Variants in BRD9 observed in about 807,000 individuals in gnomAD.
BRD9 encodes the protein bromodomain-containing protein 9.
In BRD9, 47 loss-of-function variants were observed where a neutral mutation model predicts 68.7. That is an observed-to-expected ratio of 0.68 (90% CI 0.54 to 0.87). The LOEUF (loss-of-function observed/expected upper bound fraction) is 0.87. Among genes scored for constraint, BRD9 ranks in the 40% least tolerant of loss-of-function variants. The probability of loss-of-function intolerance (pLI) is 0.00; values close to 1 mark genes in which losing one functional copy is unlikely to be tolerated. For missense variants in BRD9, 670 were observed against 748.4 expected (o/e 0.90, Z 1.22); for synonymous variants, 313 against 293.9 (o/e 1.06, Z -0.67).
chr5:871,713 G>C, intron 12 of BRD9, 149 bp from the exon 13 acceptor site: 1 of 754,668 alleles, frequency 1.3e-6, no homozygotes, highest in Non-Finnish European at 2.3e-6. Flanking sequence ...ATTAAGGCTG[G>C]GGGTCCTCCA....
At chr5:884,435 G>A (rs1345404873) in intron 7 of BRD9, among the ~76,000 whole-genome samples, 8 of 152,216 alleles carry the variant, frequency 5.3e-5, no homozygotes, top group African/African-American at 1.7e-4. Context: ...CCCTGACTAC[G>A]CAGGGTTCAC....
intron 7 of BRD9, among the ~76,000 whole-genome samples, chr5:885,359 C>T (rs539079774): frequency 6.6e-6 from 1 of 152,360 alleles, no homozygotes; most frequent in East Asian, 1.9e-4. Context: ...GGTCTCAAGA[C>T]CACTCTCCCT....
In BRD9 at chr5:877,896, G is replaced by A. The variant is rs531765583; in HGVS notation, c.1271+459C>T. Among the ~76,000 whole-genome samples the A allele has an allele frequency of 1.6e-4, 24 of 152,226 alleles. 1 individual carries two copies. Among genetic ancestry groups the A allele is most frequent in the African/African-American group, 5.5e-4 (23 of 41,528 alleles). On this transcript the variant is annotated intron_variant, in intron 11 of 15. Transcript: ENST00000467963. ...AGGAGAGCCGAGGACACAGACACAC[G>A]CAGGATGGCCCCGGGAAGGCACAGG...
chr5:891,932 A>G, intron 1 of BRD9, 78 bp from the exon 2 acceptor site: 1 of 1,528,096 alleles, frequency 6.5e-7, no homozygotes, highest in Non-Finnish European at 8.8e-7. Context: ...TGAAGGTGCT[A>G]AGAGGGAAAG....
At position 876,729 on chromosome 5, in the gene BRD9, G is replaced by T. The variant is rs1443801430; in HGVS notation, c.1272-517C>A. Among the ~76,000 whole-genome samples the T allele has an allele frequency of 4.6e-5, 7 of 152,304 alleles. No homozygotes were observed. The East Asian group carries it at 7.7e-4, about 17-fold the overall frequency. On this transcript the variant is annotated intron_variant, in intron 11 of 15. Transcript: ENST00000467963. ...AGTAGGCCAGGAACAAAAATGCATA[G>T]TCTTAGAATCAAAGCACCAAGCAAG...
chr5:871,011 G>C (rs939248589), intron 13 of BRD9, among the ~76,000 whole-genome samples: 1 of 152,184 alleles, frequency 6.6e-6, no homozygotes, highest in African/African-American at 2.4e-5. Context: ...TCTCTCATCA[G>C]CTCCCTGCAG....
In BRD9 at chr5:865,294, A is replaced by C. The variant is rs1005384794; in HGVS notation, c.1693+120T>G. The C allele has an allele frequency of 8.1e-5, 108 of 1,325,580 alleles. 1 individual carries two copies. The highest frequency in any genetic ancestry group is 1.0e-4 in the Non-Finnish European group (103 of 984,838). 82.1% of individuals were successfully genotyped at this position (1,325,580 alleles called of 1,614,324 possible). A position where few individuals can be genotyped will look rare whatever the true frequency, so the allele number is the denominator to read the frequency against. Reference sequence around the variant, plus strand: ...TGTGGAAACCGACCTCCACAACAGCACCGCTGCCCATGCAGCCTCCAGCCT... The same window carrying C: ...TGTGGAAACCGACCTCCACAACAGCCCCGCTGCCCATGCAGCCTCCAGCCT... On this transcript the variant is annotated intron_variant, in intron 15 of 15. Transcript: ENST00000467963.
chr5:886,430 G>C (rs185171175), intron 7 of BRD9, among the ~76,000 whole-genome samples, 162 bp downstream of exon 7: 2 of 152,252 alleles, frequency 1.3e-5, no homozygotes, highest in African/African-American at 4.8e-5. Flanking sequence ...GGCAGGAGGG[G>C]CTGTCTGGCC....
In BRD9 at chr5:883,942, C is replaced by G. The variant is rs780210150; in HGVS notation, c.962G>C (p.Gly321Ala). ...TCGGTGGCCACAGAGCACTACCTTG[C>G]CGCCTGGGAGGAACCGGTTGATCCT... ...RDRINRFLPG[G>A]KMGYLKRNGD... Residue 321 changes from glycine (G) to alanine (A), a missense_variant, in exon 8 of 16, where the codon GGC becomes GCC. Transcript: ENST00000467963. The G allele has an allele frequency of 3.7e-6, 6 of 1,611,334 alleles. No individual in the cohort carries two copies. The highest frequency in any genetic ancestry group is 4.2e-6 in the Non-Finnish European group (5 of 1,179,848).
chr5:892,429 C>A, intron 1 of BRD9, 177 bp downstream of exon 1: 2 of 1,368,110 alleles, frequency 1.5e-6, no homozygotes, highest in South Asian at 1.5e-5. Context: ...ACCCAGGACC[C>A]CTCACGTGTG....
In BRD9 at chr5:864,188, T is replaced by TC. The variant is rs1471319431; in HGVS notation, c.*279dup. 3.8e-6 allele frequency: 1 copy of TC among 261,520 alleles called. No individual in the cohort carries two copies. The highest frequency in any genetic ancestry group is 7.5e-6 in the Non-Finnish European group (1 of 133,406). 16.2% of individuals were successfully genotyped at this position (261,520 alleles called of 1,614,324 possible). ...TGCTGACACGATGGCCACACGCCCTTCGTGTATGACTCCACTCCTCAGGGT... is the reference window on the plus strand; with the variant it reads ...TGCTGACACGATGGCCACACGCCCTTCCGTGTATGACTCCACTCCTCAGGGT... On this transcript the variant is annotated 3_prime_UTR_variant, in exon 16 of 16. Transcript: ENST00000467963.
intron 14 of BRD9, 121 bp downstream of exon 14, chr5:870,352 A>C: frequency 1.3e-6 from 1 of 755,104 alleles, no homozygotes; most frequent in South Asian, 1.7e-5. Flanking sequence ...CAAATACCGT[A>C]ACAAAAGATT....
At chr5:883,227 T>G in intron 8 of BRD9, 3 of 430,872 alleles carry the variant, frequency 7.0e-6, no homozygotes, top group Non-Finnish European at 4.7e-6. Context: ...CCATCCCATG[T>G]GCATTTTGAA....
chr5:881,349 A>T (rs1012082980), intron 8 of BRD9, 167 bp from the exon 9 acceptor site: 1 of 674,244 alleles, frequency 1.5e-6, no homozygotes, highest in African/African-American at 1.8e-5. Flanking sequence ...CTCACCGGCA[A>T]CAGCAGAGCG....
intron 14 of BRD9, 95 bp from the exon 15 acceptor site, chr5:865,676 T>C: frequency 7.5e-7 from 1 of 1,327,796 alleles, no homozygotes; most frequent in Non-Finnish European, 1.0e-6. Context: ...CAGGCCTCTC[T>C]GCTCAGGACA....
intron 8 of BRD9, chr5:883,059 C>G (rs1268033864): frequency 8.5e-6 from 3 of 351,874 alleles, no homozygotes; most frequent in Non-Finnish European, 1.7e-5. Flanking sequence ...AACTTCCCAA[C>G]ACGTGAGCCA....
intron 8 of BRD9, chr5:882,322 G>C (rs1751887689): frequency 6.4e-6 from 1 of 157,226 alleles, no homozygotes; most frequent in Non-Finnish European, 1.4e-5. Context: ...CAACACATGA[G>C]CCAAGCAGAC....
rs778966110 is a variant in BRD9 at position 878,521 on chromosome 5, A to C, written c.1139-34T>G. 6.2e-6 allele frequency: 10 copies of C among 1,612,690 alleles called. No homozygotes were observed. The East Asian group carries it at 2.0e-4, about 32-fold the overall frequency. On this transcript the variant is annotated intron_variant, in intron 10 of 15. Transcript: ENST00000467963. ...AAGAGGAGAGAGCATCACTGGACTC[A>C]CTGGAAGGACTCGGTGTGCAGGCCC...
At chr5:864,872 G>A (rs1296098376) in intron 15 of BRD9, among the ~76,000 whole-genome samples, 3 of 152,210 alleles carry the variant, frequency 2.0e-5, no homozygotes, top group African/African-American at 7.2e-5. Context: ...GATATCGGGG[G>A]CCTCAGACTT....
Sources: gnomAD v4.1 joint callset for allele counts (sites outside exome capture counted in the v4.1 genomes callset) on GRCh38, gnomAD v4.1.1 for gene constraint, MANE v1.5 for transcripts, NCBI Gene and HGNC (gene_info 2026-07-23, HGNC 2026-07-21) for gene names.